The following CELF5 variants were observed in gnomAD, a reference collection of about 807,000 sequenced individuals.
CELF5 encodes CUG-BP and ETR-3 like factor 5.
A neutral mutation model predicts 54.9 loss-of-function variants in CELF5; 6 were observed. The ratio of observed to expected loss-of-function variants is 0.11; its 90% CI spans 0.06 to 0.22. CELF5 has a LOEUF of 0.22. CELF5 is among the 10% of genes least tolerant of loss of function. The pLI is 1.00. For missense variants in CELF5, 401 were observed against 678.6 expected, an observed-to-expected ratio of 0.59 and a Z score of 4.54; for synonymous variants, 271 against 290.9, an observed-to-expected ratio of 0.93 and a Z score of 0.70.
chr19:3,290,135 A>T (rs922592713), intron 10 of CELF5, 96 bp from the exon 11 acceptor site: 4 of 907,202 alleles, frequency 4.4e-6, no homozygotes, highest in Non-Finnish European at 6.9e-6. Flanking sequence ...CGACAGCTGG[A>T]GAAGCCAGAT....
rs1014018303 is a variant in CELF5, at chr19:3,224,698, G to T, written c.-42G>T. 1.5e-3 allele frequency: 1,495 copies of T among 1,001,980 alleles called. 1 individual carries two copies. The highest frequency in any genetic ancestry group is 1.7e-3 in the Non-Finnish European group (1,403 of 841,026). 62.1% of individuals were successfully genotyped at this position (1,001,980 alleles called of 1,614,324 possible). A position where few individuals can be genotyped will look rare whatever the true frequency, so the allele number is the denominator to read the frequency against. ...CGCCGCTCCAGCTGCGAGTCCGCCCGCCGCCCGCCGCCGCCGCCGCCGGCT... is the reference window on the plus strand; with the variant it reads ...CGCCGCTCCAGCTGCGAGTCCGCCCTCCGCCCGCCGCCGCCGCCGCCGGCT... On this transcript the variant is annotated 5_prime_UTR_variant, in exon 1 of 13. Coordinates refer to ENST00000292672, the MANE Select transcript of CELF5 (RefSeq NM_021938.4).
rs1463936437 is a variant in CELF5 at position 3,281,273 on chromosome 19, G to A, written c.678G>A (p.Met226Ile). 1.2e-6 allele frequency: 2 copies of A among 1,611,874 alleles called. No homozygotes were observed. The highest frequency in any genetic ancestry group is 1.3e-5 in the African/African-American group (1 of 75,076). The change falls in exon 6 of 13, where the codon ATG (methionine) becomes ATA (isoleucine). Residue 226 changes from methionine (M) to isoleucine (I), a missense_variant. Coordinates refer to ENST00000292672, the MANE Select transcript of CELF5 (RefSeq NM_021938.4). The surrounding 1 kb of genome is among the most constrained non-coding windows in gnomAD (Gnocchi z 6.5). Reference sequence around the variant, plus strand: ...GGACGCTCCGGCGCATGCAGCAGATGGTGGGCCAGCTGGGCATCCTGACGC... The same window carrying A: ...GGACGCTCCGGCGCATGCAGCAGATAGTGGGCCAGCTGGGCATCCTGACGC... ...KERTLRRMQQMVGQLGILTPS... is the reference protein window; with the variant it reads ...KERTLRRMQQIVGQLGILTPS...
At chr19:3,234,720 A>G (rs767680291) in intron 1 of CELF5, among the ~76,000 whole-genome samples, 1 of 152,124 alleles carries the variant, frequency 6.6e-6, no homozygotes, top group South Asian at 2.1e-4. Flanking sequence ...CCTCTCTCAC[A>G]ACAACAACCG....
chr19:3,251,439 C>G (rs77064631), intron 2 of CELF5, among the ~76,000 whole-genome samples: 2 of 151,902 alleles, frequency 1.3e-5, no homozygotes, highest in Non-Finnish European at 2.9e-5. Flanking sequence ...GTTGGAGGAA[C>G]AGGGAGGAGG....
At chr19:3,264,458 C>T (rs2079852337) in intron 2 of CELF5, among the ~76,000 whole-genome samples, 1 of 151,586 alleles carries the variant, frequency 6.6e-6, no homozygotes, top group South Asian at 2.1e-4. Flanking sequence ...CTGTGTCACC[C>T]AGGCTGGAGT....
chr19:3,259,059 G>A (rs2079771418), intron 2 of CELF5, among the ~76,000 whole-genome samples: 1 of 152,160 alleles, frequency 6.6e-6, no homozygotes, highest in Admixed American at 6.6e-5. Flanking sequence ...GGACAGGGTG[G>A]CTTCTTGAAG....
intron 2 of CELF5, among the ~76,000 whole-genome samples, chr19:3,266,624 G>T (rs554465834): frequency 2.1e-4 from 32 of 152,278 alleles, no homozygotes; most frequent in African/African-American, 7.2e-4. Context: ...GGTGTTCTTT[G>T]GTGGACACAC....
intron 4 of CELF5, among the ~76,000 whole-genome samples, chr19:3,276,607 G>A (rs2080057628): frequency 6.8e-6 from 1 of 146,914 alleles, no homozygotes. Context: ...GGGTGGAGCA[G>A]AGACTGGTCC....
intron 1 of CELF5, among the ~76,000 whole-genome samples, chr19:3,233,912 C>T (rs181968535): frequency 7.9e-4 from 120 of 152,338 alleles, no homozygotes; most frequent in African/African-American, 2.7e-3. Context: ...GGAAGTTCTG[C>T]CACTAGGCTT....
In CELF5 at chr19:3,268,084, G is replaced by T. The variant is rs55927304; in HGVS notation, c.343-5788G>T. On this transcript the variant is annotated intron_variant, in intron 2 of 12. Transcript: ENST00000292672. This position sits in a 1 kb window ranked among gnomAD's most constrained non-coding sequence, Gnocchi z 4.4. The stretch of plus-strand genomic sequence containing the variant: ...TTTGATCTCAGCTCACTGCAACCTC[G>T]GCCTCCTGGGTTCAAGCAATTCTTC... 0.28 allele frequency among the ~76,000 whole-genome samples: 42,485 copies of T among 151,846 alleles called. 7,271 individuals carry two copies. Among genetic ancestry groups the T allele is most frequent in the East Asian group, 0.77 (3,956 of 5,168 alleles).
chr19:3,250,211 G>A (rs180844171), intron 1 of CELF5, among the ~76,000 whole-genome samples: 1 of 152,184 alleles, frequency 6.6e-6, no homozygotes, highest in Non-Finnish European at 1.5e-5. Flanking sequence ...GGTTCAGGCC[G>A]GGTGCGGTGG....
intron 3 of CELF5, 38 bp downstream of exon 3, chr19:3,273,961 C>A: frequency 1.9e-6 from 3 of 1,595,574 alleles, no homozygotes; most frequent in Non-Finnish European, 2.6e-6. Flanking sequence ...TGGGGGTTGG[C>A]GGAGGAATGG....
In CELF5 at chr19:3,228,026, C is replaced by T. The variant is rs765502610; in HGVS notation, c.259+3028C>T. Among the ~76,000 whole-genome samples the T allele has an allele frequency of 4.6e-5, 7 of 150,912 alleles. No individual in the cohort carries two copies. Among genetic ancestry groups the T allele is most frequent in the Non-Finnish European group, 1.0e-4 (7 of 67,774 alleles). On this transcript the variant is annotated intron_variant, in intron 1 of 12. Coordinates refer to ENST00000292672, the MANE Select transcript of CELF5 (RefSeq NM_021938.4). The surrounding 1 kb of genome is among the most constrained non-coding windows in gnomAD (Gnocchi z 6.0). ...AAAGGCAGGAGGCCTCATCCAGGAG[C>T]GGGGCAGGGGTAGGGGGAGAGGGAT...
chr19:3,244,462 TG>T (rs2079533757), intron 1 of CELF5, among the ~76,000 whole-genome samples: 1 of 148,238 alleles, frequency 6.7e-6, no homozygotes, highest in African/African-American at 2.5e-5. Context: ...GTGTAGTGTG[TG>T]GTGTGTGCAT....
At chr19:3,290,089 G>T in intron 10 of CELF5, 142 bp from the exon 11 acceptor site, 1 of 628,764 alleles carries the variant, frequency 1.6e-6, no homozygotes, top group East Asian at 2.8e-5. Context: ...CCGTGGCCAG[G>T]CCCCTTCTTT....
chr19:3,240,685 GC>G (rs2079479358), intron 1 of CELF5, among the ~76,000 whole-genome samples: 1 of 151,700 alleles, frequency 6.6e-6, no homozygotes. Context: ...TTGTTCTATG[GC>G]CCCAGCTCCA....
chr19:3,261,543 C>A (rs2079806572), intron 2 of CELF5, among the ~76,000 whole-genome samples: 1 of 152,020 alleles, frequency 6.6e-6, no homozygotes, highest in African/African-American at 2.4e-5. Context: ...CAAGACCAGG[C>A]CTGGTGGTTC....
At chr19:3,273,208 G>C (rs1177981503) in intron 2 of CELF5, among the ~76,000 whole-genome samples, 1 of 152,046 alleles carries the variant, frequency 6.6e-6, no homozygotes, top group Non-Finnish European at 1.5e-5. Flanking sequence ...GCTTGGTCTG[G>C]GCTCAGCTGG....
intron 1 of CELF5, chr19:3,225,501 C>A: frequency 1.2e-6 from 1 of 820,998 alleles, no homozygotes. Context: ...CCTCCCCAGG[C>A]CCCGTCGGGG....
Sources: gnomAD v4.1 joint callset for allele counts (sites outside exome capture counted in the v4.1 genomes callset) on GRCh38, gnomAD v4.1.1 for gene constraint, Gnocchi (gnomAD v3.1) non-coding constraint, MANE v1.5 for transcripts, NCBI Gene and HGNC (gene_info 2026-07-23, HGNC 2026-07-21) for gene names.